Variants in MYO16 observed in about 807,000 individuals in gnomAD.
MYO16 encodes the protein myosin XVI.
MYO16 carries 94 observed loss-of-function variants against 205.3 expected under a neutral mutation model. That is an observed-to-expected ratio of 0.46 (90% CI 0.39 to 0.54). The LOEUF (loss-of-function observed/expected upper bound fraction) is 0.54, where lower values mean the gene tolerates loss of function less well. MYO16 is among the 20% of genes least tolerant of loss of function. The probability of loss-of-function intolerance (pLI) is 0.00; values close to 1 mark genes in which losing one functional copy is unlikely to be tolerated. For missense variants in MYO16, 2,315 were observed against 2,387.5 expected, an observed-to-expected ratio of 0.97 and a Z score of 0.63; for synonymous variants, 988 against 954.0, an observed-to-expected ratio of 1.04 and a Z score of -0.66.
At chr13:109,016,422 A>G (rs757056308) in intron 22 of MYO16, among the ~76,000 whole-genome samples, 115 of 152,244 alleles carry the variant, frequency 7.6e-4, no homozygotes, top group Non-Finnish European at 1.4e-3. Flanking sequence ...TGTGGTGCTA[A>G]GAAGAATGTG....
chr13:109,105,042 C>T (rs1194902060), intron 28 of MYO16, among the ~76,000 whole-genome samples: 1 of 152,186 alleles, frequency 6.6e-6, no homozygotes, highest in Non-Finnish European at 1.5e-5. Context: ...CTTACTGCTG[C>T]ATCCCCAGCA....
At chr13:109,059,211 A>G (rs1353655466) in intron 27 of MYO16, among the ~76,000 whole-genome samples, 1 of 152,194 alleles carries the variant, frequency 6.6e-6, no homozygotes, top group Non-Finnish European at 1.5e-5. Context: ...AAATATTCTT[A>G]GGAGCATTTA....
rs188846672 is a variant in MYO16 at position 108,600,366 on chromosome 13, A to G, written c.-39+4127A>G. Among the ~76,000 whole-genome samples, 600 of 152,316 alleles carry G rather than the reference A, an allele frequency of 3.9e-3. 15 individuals carry two copies. In the South Asian group the frequency reaches 0.076, roughly 19 times the overall value. ...GTAATTATAACATTTTACCTACTAC[A>G]TAGAGCTGTGAGCATTGAAATAACA... On this transcript the variant is annotated intron_variant, in intron 1 of 24. Transcript: ENST00000251041.
intron 27 of MYO16, among the ~76,000 whole-genome samples, chr13:109,072,011 A>T (rs1887938770): frequency 6.6e-6 from 1 of 152,218 alleles, no homozygotes; most frequent in Non-Finnish European, 1.5e-5. Context: ...TACTATGGTT[A>T]TGCTGCCAAT....
At chr13:108,848,187 A>G (rs1309348996) in intron 10 of MYO16, among the ~76,000 whole-genome samples, 1 of 152,168 alleles carries the variant, frequency 6.6e-6, no homozygotes, top group Non-Finnish European at 1.5e-5. Flanking sequence ...GACTGACTGT[A>G]TGTGACTGAC....
At chr13:108,610,517 C>T (rs964903315) in intron 1 of MYO16, among the ~76,000 whole-genome samples, 30 of 152,112 alleles carry the variant, frequency 2.0e-4, no homozygotes, top group African/African-American at 7.2e-4. Flanking sequence ...AGGCCCCTGC[C>T]CTTGTTTATG....
chr13:108,567,535 T>C, the MYO16 span, among the ~76,000 whole-genome samples: 16 of 152,018 alleles, frequency 1.1e-4, no homozygotes, highest in African/African-American at 3.9e-4. Context: ...TACCTGAAAA[T>C]TACTAACAGA....
chr13:109,171,112 A>G (rs551704752), intron 33 of MYO16, among the ~76,000 whole-genome samples: 2 of 152,358 alleles, frequency 1.3e-5, no homozygotes, highest in African/African-American at 2.4e-5. Context: ...ATCCAGCACA[A>G]TACCCTTTAT....
the MYO16 span, among the ~76,000 whole-genome samples, chr13:108,536,049 ACG>A: frequency 6.7e-6 from 1 of 148,382 alleles, no homozygotes; most frequent in African/African-American, 2.5e-5. Context: ...GTGTGTGTGC[ACG>A]TGTGTGAGTG....
At chr13:108,578,798 T>C in the MYO16 span, among the ~76,000 whole-genome samples, 1 of 152,064 alleles carries the variant, frequency 6.6e-6, no homozygotes, top group Non-Finnish European at 1.5e-5. Context: ...GGTCTTGTGG[T>C]GTGTTCATAA....
chr13:109,161,332 A>G (rs1214118185), intron 32 of MYO16, among the ~76,000 whole-genome samples: 2 of 152,200 alleles, frequency 1.3e-5, no homozygotes, highest in Admixed American at 1.3e-4. Context: ...CTTTACATAG[A>G]GGAGCCAAGA....
At chr13:108,645,674 G>A (rs959942509) in intron 1 of MYO16, among the ~76,000 whole-genome samples, 2 of 152,204 alleles carry the variant, frequency 1.3e-5, no homozygotes, top group Non-Finnish European at 2.9e-5. Flanking sequence ...GAAGATGATG[G>A]ATCAATGTTG....
chr13:108,730,819 C>A (rs1472630726), intron 4 of MYO16, among the ~76,000 whole-genome samples: 3 of 152,304 alleles, frequency 2.0e-5, no homozygotes, highest in Non-Finnish European at 2.9e-5. Flanking sequence ...AGACTCAGCG[C>A]TAAGTTCATT....
intron 33 of MYO16, among the ~76,000 whole-genome samples, chr13:109,168,576 T>G (rs1411382200): frequency 1.3e-5 from 2 of 151,782 alleles, no homozygotes; most frequent in African/African-American, 4.8e-5. Flanking sequence ...AATACAAAAA[T>G]CAGCTGGGCT....
chr13:108,976,729 T>G (rs938260096), intron 20 of MYO16, among the ~76,000 whole-genome samples: 1 of 152,158 alleles, frequency 6.6e-6, no homozygotes, highest in African/African-American at 2.4e-5. Context: ...TGTGAGAAAA[T>G]AAAAATACGC....
chr13:108,623,679 C>T (rs1298919936), intron 1 of MYO16, among the ~76,000 whole-genome samples: 1 of 152,134 alleles, frequency 6.6e-6, no homozygotes, highest in Non-Finnish European at 1.5e-5. Context: ...ATATGTCATG[C>T]ACCAGAAAAT....
intron 1 of MYO16, among the ~76,000 whole-genome samples, chr13:108,637,163 A>G (rs1275887391): frequency 6.6e-6 from 1 of 152,198 alleles, no homozygotes; most frequent in African/African-American, 2.4e-5. Flanking sequence ...TTTGACTTTT[A>G]TACAGACTTC....
At chr13:108,921,912 G>T (rs1358864600) in intron 16 of MYO16, among the ~76,000 whole-genome samples, 1 of 152,214 alleles carries the variant, frequency 6.6e-6, no homozygotes, top group African/African-American at 2.4e-5. Flanking sequence ...TGCAGTGGAA[G>T]CGTTGGCTAG....
At chr13:109,129,064 G>T (rs893044065) in intron 31 of MYO16, among the ~76,000 whole-genome samples, 3 of 148,958 alleles carry the variant, frequency 2.0e-5, no homozygotes, top group Non-Finnish European at 4.4e-5. Flanking sequence ...GAGCCACTGC[G>T]CCAGGCCTTT....
Sources: allele counts gnomAD v4.1 joint callset (sites outside exome capture counted in the v4.1 genomes callset), GRCh38; gene constraint gnomAD v4.1.1; transcripts MANE v1.5; gene names NCBI Gene and HGNC (gene_info 2026-07-23, HGNC 2026-07-21).